Variants in PODXL observed in about 807,000 individuals in gnomAD.
PODXL encodes podocalyxin.
In PODXL, 20 loss-of-function variants were observed where a neutral mutation model predicts 48.9. The ratio of observed to expected loss-of-function variants is 0.41; its 90% confidence interval spans 0.29 to 0.59. The LOEUF (loss-of-function observed/expected upper bound fraction) is 0.59, where lower values mean the gene tolerates loss of function less well. PODXL is among the 20% of genes least tolerant of loss of function. The pLI is 0.31. For missense variants in PODXL, 606 were observed against 675.1 expected (o/e 0.90, Z 1.13); for synonymous variants, 295 against 287.4 (o/e 1.03, Z -0.27).
At chr7:131,507,588 G>T (rs181896804) in intron 5 of PODXL, among the ~76,000 whole-genome samples, 43 of 151,862 alleles carry the variant, frequency 2.8e-4, no homozygotes, top group African/African-American at 9.7e-4. Context: ...GTTTCTACCA[G>T]AATTTCCTTA....
chr7:131,506,622 A>G lies in PODXL; in HGVS notation c.1206T>C (p.Val402=), dbSNP rs201724832. The G allele has an allele frequency of 8.1e-5, 130 of 1,614,166 alleles. No homozygotes were observed. Among genetic ancestry groups the G allele is most frequent in the Non-Finnish European group, 1.1e-4 (128 of 1,180,024 alleles). The change falls in exon 6 of 9, where the codon GTT becomes GTC. Residue 402 remains valine, a synonymous_variant. Coordinates refer to ENST00000378555, the MANE Select transcript of PODXL (RefSeq NM_001018111.3). ...QDKCGIRLAS[V]PGSQTVVVKE... is the part of the protein sequence containing the mutation. ...TGACGACCACGGTCTGACTTCCTGG[A>G]ACAGATGCCAGCCGTATGCCGCACT...
chr7:131,532,747 G>A (rs935095532), intron 1 of PODXL, among the ~76,000 whole-genome samples: 1 of 152,164 alleles, frequency 6.6e-6, no homozygotes, highest in Non-Finnish European at 1.5e-5. Flanking sequence ...AAGGTCTTAG[G>A]AGGCGGTGCC....
chr7:131,531,563 A>G (rs921296169), intron 1 of PODXL, among the ~76,000 whole-genome samples: 3 of 152,196 alleles, frequency 2.0e-5, no homozygotes, highest in East Asian at 3.9e-4. Context: ...CAAAGGCTTA[A>G]AACAACAGAA....
At chr7:131,523,799 ATTT>A (rs111266089) in intron 1 of PODXL, among the ~76,000 whole-genome samples, 4 of 145,028 alleles carry the variant, frequency 2.8e-5, no homozygotes, top group African/African-American at 1.0e-4. Context: ...CATCTAACAA[ATTT>A]TTTTTTTTTT....
rs1286605234 is a variant in PODXL, at chr7:131,501,177, T to TTTTG, written c.*3130_*3133dup. ...TAAGTTTGTCTTGTTATATTTCATTTTTTGTTTAAAAAAAAAAATCAAGCA... is the reference window on the plus strand; with the variant it reads ...TAAGTTTGTCTTGTTATATTTCATTTTTTGTTTGTTTAAAAAAAAAAATCAAGCA... On this transcript the variant is annotated 3_prime_UTR_variant, in exon 9 of 9. Transcript: ENST00000378555. The TTTTG allele has an allele frequency of 2.6e-5, 4 of 152,370 alleles. No homozygotes were observed. The highest frequency in any genetic ancestry group is 9.7e-5 in the African/African-American group (4 of 41,198). 9.4% of individuals were successfully genotyped at this position (152,370 alleles called of 1,614,324 possible).
intron 1 of PODXL, among the ~76,000 whole-genome samples, chr7:131,519,316 A>T (rs1055008858): frequency 6.6e-6 from 1 of 152,018 alleles, no homozygotes; most frequent in African/African-American, 2.4e-5. Flanking sequence ...TCTCTTAGAG[A>T]CCTTTAGGTA....
At chr7:131,524,409 AAAC>A (rs1798146488) in intron 1 of PODXL, among the ~76,000 whole-genome samples, 1 of 72,140 alleles carries the variant, frequency 1.4e-5, no homozygotes, top group Admixed American at 2.0e-4. Context: ...GAGAGAGAGA[AAAC>A]AACAAGGAAA....
rs760600359 is a variant in PODXL, at chr7:131,504,521, A to G, written c.1480-13T>C. ...CTGTTAGCCGCTGCTAGAGTGGGGA[A>G]GGTGACCGGTGAGAAGGGGGTTTCA... On this transcript the variant is annotated splice_polypyrimidine_tract_variant and intron_variant, in intron 8 of 8. Transcript: ENST00000378555. 6.2e-7 allele frequency: 1 copy of G among 1,613,218 alleles called. No individual in the cohort carries two copies. Among genetic ancestry groups the G allele is most frequent in the South Asian group, 1.1e-5 (1 of 91,060 alleles).
At chr7:131,520,469 C>A in intron 1 of PODXL, 1 of 210,118 alleles carries the variant, frequency 4.8e-6, no homozygotes, top group Non-Finnish European at 9.6e-6. Context: ...CCTGTTATCA[C>A]TTTCAAAAAT....
chr7:131,504,269 C>T lies in PODXL; in HGVS notation c.*42G>A, dbSNP rs1367883881. The T allele has an allele frequency of 1.9e-6, 3 of 1,565,348 alleles. No individual in the cohort carries two copies. Among genetic ancestry groups the T allele is most frequent in the Non-Finnish European group, 2.6e-6 (3 of 1,138,532 alleles). ...CCAAACGGCACTTGGGGTGGTTGGT[C>T]TGGAGCTCTGTGGTGCTGCTGGAGG... is the stretch of plus-strand genomic sequence containing the variant. On this transcript the variant is annotated 3_prime_UTR_variant, in exon 9 of 9. Coordinates refer to ENST00000378555, the MANE Select transcript of PODXL (RefSeq NM_001018111.3).
Position 131,509,004 on chromosome 7 carries a change from G to A in PODXL, c.1048C>T (p.Gln350Ter). The A allele has an allele frequency of 6.2e-7, 1 of 1,613,936 alleles. No homozygotes were observed. The highest frequency in any genetic ancestry group is 8.5e-7 in the Non-Finnish European group (1 of 1,179,800). The change falls in exon 5 of 9, where the codon CAG becomes TAG. Residue 350 changes from glutamine (Q) to a stop codon, truncating the protein, a stop_gained. Coordinates refer to ENST00000378555, the MANE Select transcript of PODXL (RefSeq NM_001018111.3). LOFTEE classifies it high-confidence loss of function. ...NWAKCEDLET[Q>*]TQSEKQLVLN... ...ACGAGCTGCTTCTCACTCTGTGTCT[G>A]TGTCTCAAGATCCTCACACTTTGCC...
Position 131,509,487 on chromosome 7 carries a change from G to T in PODXL, c.901C>A (p.Pro301Thr), listed in dbSNP as rs762300869. The T allele has an allele frequency of 6.2e-7, 1 of 1,613,900 alleles. No homozygotes were observed. The highest frequency in any genetic ancestry group is 2.2e-5 in the East Asian group (1 of 44,866). Residue 301 changes from proline (P) to threonine (T), a missense_variant, in exon 4 of 9, where the codon CCG becomes ACG. Pro to Thr is a conservative substitution (Grantham distance 38). Transcript: ENST00000378555. ...SSQETVQPTS[P>T]ATALRTPTLP... is the part of the protein sequence containing the mutation. ...GTAGGTGTTCTCAATGCCGTTGCCG[G>T]GCTCGTGGGCTGCACTGTCTCCTGG...
At chr7:131,538,883 A>G (rs978499361) in intron 1 of PODXL, among the ~76,000 whole-genome samples, 2 of 152,162 alleles carry the variant, frequency 1.3e-5, no homozygotes, top group Non-Finnish European at 2.9e-5. Context: ...CCTGAGCTGG[A>G]AAGAGCAGAC....
intron 1 of PODXL, among the ~76,000 whole-genome samples, chr7:131,549,823 G>A (rs932991861): frequency 6.6e-6 from 1 of 152,222 alleles, no homozygotes; most frequent in Non-Finnish European, 1.5e-5. Flanking sequence ...CCTCGGAAGT[G>A]TGAGGTGGCT....
At chr7:131,528,700 G>A (rs955118591) in intron 1 of PODXL, among the ~76,000 whole-genome samples, 5 of 152,192 alleles carry the variant, frequency 3.3e-5, no homozygotes, top group Non-Finnish European at 5.9e-5. Flanking sequence ...TTACTGTAGC[G>A]ATGTTCAGCT....
Position 131,511,416 on chromosome 7 carries a change from C to A in PODXL, c.118G>T (p.Asp40Tyr). ...GTCGGTGCTGTTTTGTTAGATGAGTCCGTAGTAGTCTGGGTTGCTGTTTGT... is the reference window on the plus strand; with the variant it reads ...GTCGGTGCTGTTTTGTTAGATGAGTACGTAGTAGTCTGGGTTGCTGTTTGT... ...PSQNATQTTT[D>Y]SSNKTAPTPA... Residue 40 changes from aspartate to tyrosine, a missense_variant, in exon 2 of 9, where the codon GAC (aspartate) becomes TAC (tyrosine). By Grantham distance (160) the Asp-to-Tyr change is radical (BLOSUM62 -3). Coordinates refer to ENST00000378555, the MANE Select transcript of PODXL (RefSeq NM_001018111.3). The A allele has an allele frequency of 6.2e-7, 1 of 1,600,936 alleles. No homozygotes were observed. The highest frequency in any genetic ancestry group is 1.1e-5 in the South Asian group (1 of 91,056).
rs772674520 is a variant in PODXL at position 131,511,263 on chromosome 7, C to T, written c.271G>A (p.Gly91Arg). 4 of 1,613,980 alleles carry T rather than the reference C, an allele frequency of 2.5e-6. No homozygotes were observed. In the South Asian group the frequency reaches 3.3e-5, roughly 13 times the overall value. Residue 91 changes from glycine (G) to arginine (R), a missense_variant, in exon 2 of 9, where the codon GGG becomes AGG. Coordinates refer to ENST00000378555, the MANE Select transcript of PODXL (RefSeq NM_001018111.3). ...TTLGVSSDSP[G>R]TTTLAQQVSG... Reference sequence around the variant, plus strand: ...ACTTGCTGAGCCAGGGTTGTAGTCCCCGGTGAGTCACTGGATACACCAAGG... The same window carrying T: ...ACTTGCTGAGCCAGGGTTGTAGTCCTCGGTGAGTCACTGGATACACCAAGG...
In PODXL at chr7:131,538,414, G is replaced by A. The variant is rs990878482; in HGVS notation, c.100+17846C>T. 2.0e-5 allele frequency among the ~76,000 whole-genome samples: 3 copies of A among 152,108 alleles called. No homozygotes were observed. In the South Asian group the frequency reaches 6.2e-4, roughly 32 times the overall value. ...TTCCTCATAATGCAGGGAGCACAGG[G>A]TTCAATGACCTCTACAGTCTCACCT... On this transcript the variant is annotated intron_variant, in intron 1 of 8. Transcript: ENST00000378555.
chr7:131,513,403 G>A (rs1797947062), intron 1 of PODXL, among the ~76,000 whole-genome samples: 1 of 152,216 alleles, frequency 6.6e-6, no homozygotes, highest in Admixed American at 6.5e-5. Context: ...GGAGCAGAAG[G>A]GAGTGGTGGG....
Sources: gnomAD v4.1 joint callset for allele counts (sites outside exome capture counted in the v4.1 genomes callset) on GRCh38, gnomAD v4.1.1 for gene constraint, MANE v1.5 for transcripts, NCBI Gene and HGNC (gene_info 2026-07-23, HGNC 2026-07-21) for gene names.